Variants in IGSF9B observed in about 807,000 individuals in gnomAD.
IGSF9B encodes the protein protein turtle homolog B.
In IGSF9B, 48 loss-of-function variants were observed where a neutral mutation model predicts 143.7. That is an observed-to-expected ratio of 0.33 (90% CI 0.26 to 0.42). IGSF9B has a LOEUF of 0.42. Among genes scored for constraint, IGSF9B ranks in the 20% least tolerant of loss-of-function variants. IGSF9B has a pLI of 1.00. For synonymous variants in IGSF9B, 903 were observed against 833.1 expected (o/e 1.08, Z -1.44); for missense variants, 1,706 against 1,980.0 (o/e 0.86, Z 2.63).
At chr11:133,929,586 C>T in intron 12 of IGSF9B, 85 bp downstream of exon 12, 1 of 1,003,176 alleles carries the variant, frequency 1.0e-6, no homozygotes, top group Non-Finnish European at 1.6e-6. Flanking sequence ...TCCTACCTCC[C>T]CCCACCCGGG....
At chr11:133,935,297 G>A (rs942226115) in intron 7 of IGSF9B, among the ~76,000 whole-genome samples, 1 of 152,248 alleles carries the variant, frequency 6.6e-6, no homozygotes, top group South Asian at 2.1e-4. Flanking sequence ...GGGCACAGAG[G>A]TGCAGGCCAG....
rs548133590 is a variant in IGSF9B, at chr11:133,913,663, A to C, written c.3984-1656T>G. Among the ~76,000 whole-genome samples the C allele has an allele frequency of 5.3e-5, 8 of 152,318 alleles. No individual in the cohort carries two copies. The highest frequency in any genetic ancestry group is 3.9e-4 in the Admixed American group (6 of 15,312). The stretch of plus-strand genomic sequence containing the variant: ...AGGCACACACAGCCCTCTTGTGAAG[A>C]AGTGGCCAAACATGCCAGTCTACCC... On this transcript the variant is annotated intron_variant, in intron 18 of 19. Transcript: ENST00000533871. This position sits in a 1 kb window ranked among gnomAD's most constrained non-coding sequence, Gnocchi z 4.6.
intron 1 of IGSF9B, among the ~76,000 whole-genome samples, chr11:133,949,128 C>G (rs1940112984): frequency 6.6e-6 from 1 of 152,142 alleles, no homozygotes; most frequent in Non-Finnish European, 1.5e-5. Context: ...CCCAAAGACC[C>G]TTTCAACCAG....
intron 18 of IGSF9B, among the ~76,000 whole-genome samples, chr11:133,918,461 G>C (rs1939435840): frequency 2.6e-5 from 4 of 152,264 alleles, no homozygotes; most frequent in Admixed American, 2.0e-4. Context: ...AGACACGATG[G>C]AAGGAAGCAG....
Position 133,936,128 on chromosome 11 carries a change from G to T in IGSF9B, c.746C>A (p.Thr249Asn). 1 of 1,613,074 alleles carries T rather than the reference G, an allele frequency of 6.2e-7. No individual in the cohort carries two copies. Among genetic ancestry groups the T allele is most frequent in the Non-Finnish European group, 8.5e-7 (1 of 1,179,346 alleles). Reference protein sequence around the residue: ...TVNISQDALLTCRAEAYPGNL... With the variant: ...TVNISQDALLNCRAEAYPGNL... ...GCCCGGATACGCCTCTGCCCGGCAG[G>T]TGAGCAGAGCATCCTGGGAGATGTT... Residue 249 changes from threonine (T) to asparagine (N), a missense_variant, in exon 6 of 20, where the codon ACC (threonine) becomes AAC (asparagine). Coordinates refer to ENST00000533871, the MANE Select transcript of IGSF9B (RefSeq NM_001277285.4).
chr11:133,931,180 G>C lies in IGSF9B; in HGVS notation c.1369-46C>G, dbSNP rs557617335. On this transcript the variant is annotated intron_variant, in intron 10 of 19. Coordinates refer to ENST00000533871, the MANE Select transcript of IGSF9B (RefSeq NM_001277285.4). This position sits in a 1 kb window ranked among gnomAD's most constrained non-coding sequence, Gnocchi z 7.7. Reference sequence around the variant, plus strand: ...GAAGAGGGTGGGAACAGAAATGGGGGTTAGGAGAGAAGCCCGAAGCAGATG... The same window carrying C: ...GAAGAGGGTGGGAACAGAAATGGGGCTTAGGAGAGAAGCCCGAAGCAGATG... 2 of 1,575,684 alleles carry C rather than the reference G, an allele frequency of 1.3e-6. No individual in the cohort carries two copies. The highest frequency in any genetic ancestry group is 2.7e-5 in the African/African-American group (2 of 73,938).
chr11:133,944,489 G>T, intron 2 of IGSF9B, 123 bp from the exon 3 acceptor site: 2 of 1,059,182 alleles, frequency 1.9e-6, no homozygotes, highest in Non-Finnish European at 1.4e-6. Flanking sequence ...CTATGGCAGG[G>T]CTCCAGAATA....
chr11:133,911,736 A>G, intron 19 of IGSF9B, 150 bp downstream of exon 19: 1 of 557,288 alleles, frequency 1.8e-6, no homozygotes, highest in Non-Finnish European at 2.8e-6. Context: ...GAAACAAAGG[A>G]CAAGAGAAGC....
chr11:133,944,573 C>T (rs28428505), intron 2 of IGSF9B, among the ~76,000 whole-genome samples: 28,445 of 152,252 alleles, frequency 0.19, 3,383 homozygotes, highest in Non-Finnish European at 0.27. Context: ...GCCACTCTCC[C>T]GCCCCAGCTG....
intron 1 of IGSF9B, among the ~76,000 whole-genome samples, chr11:133,956,117 G>A (rs938210583): frequency 2.9e-4 from 44 of 152,152 alleles, no homozygotes; most frequent in Admixed American, 8.5e-4. Context: ...CTGCTAGGGG[G>A]ATCCGACCTC....
chr11:133,917,685 C>A (rs1372597445), intron 18 of IGSF9B, among the ~76,000 whole-genome samples: 1 of 152,096 alleles, frequency 6.6e-6, no homozygotes, highest in Non-Finnish European at 1.5e-5. Flanking sequence ...CTGCAGAGGA[C>A]CCCACTGTCA....
At chr11:133,946,968 G>A (rs1475985975) in intron 1 of IGSF9B, among the ~76,000 whole-genome samples, 1 of 152,174 alleles carries the variant, frequency 6.6e-6, no homozygotes, top group Non-Finnish European at 1.5e-5. Context: ...GAGTGGGAGG[G>A]GCCCAAGCCC....
chr11:133,908,922 G>A lies in IGSF9B; in HGVS notation c.*147C>T. 1 of 679,396 alleles carries A rather than the reference G, an allele frequency of 1.5e-6. No individual in the cohort carries two copies. The allele number at this position is 679,396 out of a possible 1,614,324, so 42.1% of individuals were successfully genotyped here. ...AAGACAGGCGGCCAGGATCTGGAGG[G>A]AGACACCCGCTCTGGCAAAAGAGGG... On this transcript the variant is annotated 3_prime_UTR_variant, in exon 20 of 20. Transcript: ENST00000533871.
chr11:133,936,619 G>C (rs962800876), intron 5 of IGSF9B, among the ~76,000 whole-genome samples: 1 of 152,162 alleles, frequency 6.6e-6, no homozygotes, highest in African/African-American at 2.4e-5. Flanking sequence ...TCCTGGTGCT[G>C]GCTGCACAGA....
At chr11:133,919,120 G>GGGT in intron 18 of IGSF9B, 4 of 349,352 alleles carry the variant, frequency 1.1e-5, no homozygotes, top group South Asian at 5.8e-5. Flanking sequence ...GAGGTATACG[G>GGGT]GGGGGGGGTG....
chr11:133,922,223 C>T lies in IGSF9B; in HGVS notation c.2282-1G>A, dbSNP rs1363966094. The T allele has an allele frequency of 6.2e-7, 1 of 1,612,330 alleles. No individual in the cohort carries two copies. The highest frequency in any genetic ancestry group is 1.1e-5 in the South Asian group (1 of 90,486). ...CAGTGGGTGATGGAGAGTGGAGGGTCTGGAAGGAAAGAGAAGGGGAGAGGC... is the reference window on the plus strand; with the variant it reads ...CAGTGGGTGATGGAGAGTGGAGGGTTTGGAAGGAAAGAGAAGGGGAGAGGC... On this transcript the variant is annotated splice_acceptor_variant, in intron 16 of 19. Transcript: ENST00000533871. LOFTEE classifies it high-confidence loss of function.
Position 133,932,432 on chromosome 11 carries a change from TACAGGGACAGACAGACAGAC to T in IGSF9B, c.968-239_968-220del, listed in dbSNP as rs1232257997. Among the ~76,000 whole-genome samples, 45 of 43,838 alleles carry T rather than the reference TACAGGGACAGACAGACAGAC, an allele frequency of 1.0e-3. No individual in the cohort carries two copies. The South Asian group carries it at 0.018, about 17-fold the overall frequency. 28.8% of individuals were successfully genotyped at this position (43,838 alleles called of 152,430 possible). On this transcript the variant is annotated intron_variant, in intron 7 of 19. Coordinates refer to ENST00000533871, the MANE Select transcript of IGSF9B (RefSeq NM_001277285.4). ...GTGGGAGAGCAGACAGACAGACAGA[TACAGGGACAGACAGACAGAC>T]ACAGGGACAGACAGACAGACACAGG...
intron 12 of IGSF9B, among the ~76,000 whole-genome samples, chr11:133,927,511 C>T (rs1334928351): frequency 1.3e-5 from 2 of 152,190 alleles, no homozygotes; most frequent in African/African-American, 4.8e-5. Flanking sequence ...GCTGCACACA[C>T]CCCCAGGGAC....
chr11:133,904,146 C>T lies in IGSF9B; in HGVS notation c.*4923G>A, dbSNP rs758663525. 1.3e-5 allele frequency among the ~76,000 whole-genome samples: 2 copies of T among 152,150 alleles called. No individual in the cohort carries two copies. Among genetic ancestry groups the T allele is most frequent in the African/African-American group, 4.8e-5 (2 of 41,440 alleles). ...TGGCCGGAAGGAAGCCTCTCTACCT[C>T]AAGAGGAAAGGGGGATGAAGGCACG... On this transcript the variant is annotated 3_prime_UTR_variant, in exon 20 of 20. Coordinates refer to ENST00000533871, the MANE Select transcript of IGSF9B (RefSeq NM_001277285.4).
Sources: gnomAD v4.1 joint callset for allele counts (sites outside exome capture counted in the v4.1 genomes callset) on GRCh38, gnomAD v4.1.1 for gene constraint, Gnocchi (gnomAD v3.1) non-coding constraint, MANE v1.5 for transcripts, NCBI Gene and HGNC (gene_info 2026-07-23, HGNC 2026-07-21) for gene names.